The following REXO2 variants were observed in gnomAD, a reference collection of about 807,000 sequenced individuals.
REXO2 encodes the protein oligoribonuclease, mitochondrial.
Under a neutral mutation model 30.9 loss-of-function variants are expected in REXO2, and 17 were observed. That is an observed-to-expected ratio of 0.55 (90% CI 0.38 to 0.82). REXO2 has a LOEUF of 0.82. Ranked by LOEUF, REXO2 falls within the 40% of genes least tolerant of loss-of-function variation. REXO2 has a pLI of 0.00. For synonymous variants in REXO2, 105 were observed against 99.6 expected, an observed-to-expected ratio of 1.05 and a Z score of -0.32; for missense variants, 253 against 293.2, an observed-to-expected ratio of 0.86 and a Z score of 1.00.
intron 3 of REXO2, 49 bp downstream of exon 3, chr11:114,443,982 C>T (rs766748226): frequency 2.3e-6 from 3 of 1,316,388 alleles, no homozygotes; most frequent in East Asian, 4.8e-5. Context: ...CAGTAGCAAG[C>T]TTTTTGCTCC....
Position 114,450,086 on chromosome 11 carries a change from A to T in REXO2, c.*111A>T. ...ACCTTCGGTTAACTTGCATCTCCAG[A>T]TTGATTACTCAAGCAGACAGCACAC... On this transcript the variant is annotated 3_prime_UTR_variant, in exon 7 of 7. Coordinates refer to ENST00000265881, the MANE Select transcript of REXO2 (RefSeq NM_015523.4). 1 of 1,091,040 alleles carries T rather than the reference A, an allele frequency of 9.2e-7. No homozygotes were observed. The allele number at this position is 1,091,040 out of a possible 1,614,324, so 67.6% of individuals were successfully genotyped here. A position where few individuals can be genotyped will look rare whatever the true frequency, so the allele number is the denominator to read the frequency against.
chr11:114,439,609 C>T lies in REXO2; in HGVS notation c.81C>T (p.Arg27=). Residue 27 remains arginine (R), a synonymous_variant, in exon 1 of 7, where the codon CGC becomes CGT. Transcript: ENST00000265881. ...GACGGTTCGGGGCCCGAGGTGTCCG[C>T]GAAGGTGGCGCAGCCATGGCGGCAG... ...SHGRFGARGV[R]EGGAAMAAGE... is the part of the protein sequence containing the mutation. 1 of 1,604,434 alleles carries T rather than the reference C, an allele frequency of 6.2e-7. No homozygotes were observed.
At chr11:114,440,084 C>A (rs1169518768) in intron 1 of REXO2, 2 of 473,910 alleles carry the variant, frequency 4.2e-6, no homozygotes, top group South Asian at 1.5e-5. Context: ...GATGACTCAG[C>A]CTTACCCCTC....
At chr11:114,439,911 T>C in intron 1 of REXO2, 1 of 575,970 alleles carries the variant, frequency 1.7e-6, no homozygotes, top group Admixed American at 3.3e-5. Context: ...TGTGGCTTCT[T>C]CTCCTCCCTA....
At chr11:114,447,755 A>G (rs532972249) in intron 5 of REXO2, 71 bp from the exon 6 acceptor site, 11 of 1,291,388 alleles carry the variant, frequency 8.5e-6, no homozygotes, top group African/African-American at 1.5e-5. Flanking sequence ...TTAATGGATT[A>G]CTTGAAGGAG....
Position 114,450,106 on chromosome 11 carries a change from G to A in REXO2, c.*131G>A, listed in dbSNP as rs539945731. The A allele has an allele frequency of 2.3e-6, 2 of 864,696 alleles. No homozygotes were observed. The highest frequency in any genetic ancestry group is 3.5e-6 in the Non-Finnish European group (2 of 572,360). 53.6% of individuals were successfully genotyped at this position (864,696 alleles called of 1,614,324 possible). A position where few individuals can be genotyped will look rare whatever the true frequency, so the allele number is the denominator to read the frequency against. On this transcript the variant is annotated 3_prime_UTR_variant, in exon 7 of 7. Transcript: ENST00000265881. ...TCCAGATTGATTACTCAAGCAGACA[G>A]CACACGAAATACTATTTTTCTCCTA...
At chr11:114,443,642 T>G (rs1946494373) in intron 2 of REXO2, among the ~76,000 whole-genome samples, 1 of 152,154 alleles carries the variant, frequency 6.6e-6, no homozygotes, top group Non-Finnish European at 1.5e-5. Flanking sequence ...GTCATCTATT[T>G]GTAGGATTAG....
chr11:114,440,744 G>C lies in REXO2; in HGVS notation c.231+5G>C, dbSNP rs1946471070. The stretch of plus-strand genomic sequence containing the variant: ...GATCTCAACATTTTGGCTGAAGTAC[G>C]TGATGCCATGTAATACAGTCATACT... On this transcript the variant is annotated splice_donor_5th_base_variant and intron_variant, in intron 2 of 6. Transcript: ENST00000265881. 1.3e-6 allele frequency: 2 copies of C among 1,593,556 alleles called. No individual in the cohort carries two copies. Among genetic ancestry groups the C allele is most frequent in the East Asian group, 2.2e-5 (1 of 44,782 alleles).
chr11:114,445,255 C>A (rs1269451546), intron 4 of REXO2: 2 of 152,052 alleles, frequency 1.3e-5, no homozygotes, highest in Admixed American at 1.3e-4. Context: ...ATTATTTTTC[C>A]CCTGTGTCAT....
At chr11:114,440,898 T>G in intron 2 of REXO2, 159 bp downstream of exon 2, 2 of 503,610 alleles carry the variant, frequency 4.0e-6, no homozygotes, top group South Asian at 6.8e-5. Context: ...AGAACCAAAG[T>G]AATCCATCTC....
Position 114,449,799 on chromosome 11 carries a change from TCTCCTGG to T in REXO2, c.585-46_585-40del, listed in dbSNP as rs758811192. 5.3e-5 allele frequency: 82 copies of T among 1,551,812 alleles called. 1 individual carries two copies. The South Asian group carries it at 1.0e-3, about 20-fold the overall frequency. On this transcript the variant is annotated intron_variant, in intron 6 of 6. Transcript: ENST00000265881. ...AGTTGTACTTTTAAAATGATTTTCA[TCTCCTGG>T]TTTTGGACAGTTCATTCATTGTGGT...
At chr11:114,447,100 G>A (rs1214711234) in intron 5 of REXO2, among the ~76,000 whole-genome samples, 2 of 152,042 alleles carry the variant, frequency 1.3e-5, no homozygotes, top group East Asian at 1.9e-4. Context: ...CACTGCGCCC[G>A]GCTAATTTTT....
intron 2 of REXO2, 133 bp downstream of exon 2, chr11:114,440,872 T>TGGTAGGGG: frequency 1.7e-6 from 1 of 603,548 alleles, no homozygotes; most frequent in South Asian, 2.3e-5. Flanking sequence ...TGCTAGGTCA[T>TGGTAGGGG]GGTAGGGGTG....
chr11:114,439,934 G>T (rs1946463973), intron 1 of REXO2: 2 of 572,778 alleles, frequency 3.5e-6, no homozygotes, highest in Non-Finnish European at 6.2e-6. Flanking sequence ...CCTCCGCCCA[G>T]ATGTGGACTT....
intron 6 of REXO2, 145 bp downstream of exon 6, chr11:114,448,024 G>C: frequency 4.5e-6 from 3 of 659,782 alleles, no homozygotes; most frequent in Admixed American, 3.1e-5. Context: ...TTCTTTTACT[G>C]TTAGGAATTC....
chr11:114,448,644 G>T (rs1047123044), intron 6 of REXO2, among the ~76,000 whole-genome samples: 14 of 152,202 alleles, frequency 9.2e-5, no homozygotes, highest in African/African-American at 2.4e-4. Flanking sequence ...TTTTAGAAAG[G>T]TGTTACTACA....
chr11:114,449,857 A>C lies in REXO2; in HGVS notation c.596A>C (p.Asp199Ala). The change falls in exon 7 of 7, where the codon GAC becomes GCC. Residue 199 changes from aspartate (D) to alanine (A), a missense_variant. Physicochemically the swap from Asp to Ala is moderately radical, Grantham distance 126. Coordinates refer to ENST00000265881, the MANE Select transcript of REXO2 (RefSeq NM_015523.4). ...KKAASHRALD[D>A]ISESIKELQF... The stretch of plus-strand genomic sequence containing the variant: ...ATGTTTGCTTATAGGGCACTTGATG[A>C]CATTAGTGAAAGCATCAAAGAGCTT... 1 of 1,609,572 alleles carries C rather than the reference A, an allele frequency of 6.2e-7. No individual in the cohort carries two copies. The highest frequency in any genetic ancestry group is 8.5e-7 in the Non-Finnish European group (1 of 1,177,812).
rs114077514 is a variant in REXO2 at position 114,443,885 on chromosome 11, T to G, written c.261T>G (p.Asp87Glu). ...EGPNLIIKQP[D>E]ELLDSMSDWC... ...CTAACCTGATTATAAAACAACCAGA[T>G]GAGTTGCTGGACAGCATGTCAGATT... Residue 87 changes from aspartate to glutamate, a missense_variant, in exon 3 of 7, where the codon GAT becomes GAG. Transcript: ENST00000265881. 204 of 1,609,636 alleles carry G rather than the reference T, an allele frequency of 1.3e-4. No individual in the cohort carries two copies. In the East Asian group the frequency reaches 2.9e-3, roughly 23 times the overall value.
chr11:114,446,204 T>G, intron 5 of REXO2, 117 bp downstream of exon 5: 2 of 584,002 alleles, frequency 3.4e-6, no homozygotes, highest in South Asian at 2.6e-5. Context: ...GGTTCATATC[T>G]TCCTCATCCC....
Sources: gnomAD v4.1 joint callset for allele counts (sites outside exome capture counted in the v4.1 genomes callset) on GRCh38, gnomAD v4.1.1 for gene constraint, MANE v1.5 for transcripts, NCBI Gene and HGNC (gene_info 2026-07-23, HGNC 2026-07-21) for gene names.